The following ERC2 variants were observed in gnomAD, a reference collection of about 807,000 sequenced individuals.
ERC2 encodes the protein ELKS/RAB6-interacting/CAST family member 2.
Under a neutral mutation model 114.8 loss-of-function variants are expected in ERC2, and 42 were observed. That is an observed-to-expected ratio of 0.37 (90% CI 0.29 to 0.47). The LOEUF is 0.47. Ranked by LOEUF, ERC2 falls within the 20% of genes least tolerant of loss-of-function variation. ERC2 has a pLI of 0.99. For synonymous variants in ERC2, 454 were observed against 425.5 expected, an observed-to-expected ratio of 1.07 and a Z score of -0.82; for missense variants, 939 against 1,150.7, an observed-to-expected ratio of 0.82 and a Z score of 2.66.
At chr3:55,960,530 G>A (rs936956972) in intron 12 of ERC2, among the ~76,000 whole-genome samples, 3 of 152,100 alleles carry the variant, frequency 2.0e-5, no homozygotes, top group Non-Finnish European at 4.4e-5. Flanking sequence ...ATCTCTGACA[G>A]CACCCCATGC....
intron 17 of ERC2, among the ~76,000 whole-genome samples, chr3:55,593,318 T>C (rs1384768482): frequency 1.3e-5 from 2 of 152,006 alleles, no homozygotes; most frequent in Non-Finnish European, 2.9e-5. Context: ...CCCATGGGGG[T>C]GTGGGAGCAC....
intron 17 of ERC2, among the ~76,000 whole-genome samples, chr3:55,624,538 G>A (rs1175816218): frequency 6.6e-6 from 1 of 152,192 alleles, no homozygotes; most frequent in Non-Finnish European, 1.5e-5. Flanking sequence ...CCTGTGGGAA[G>A]AACAGGCTGG....
intron 13 of ERC2, among the ~76,000 whole-genome samples, chr3:55,927,186 T>C (rs1158795330): frequency 2.6e-5 from 4 of 152,198 alleles, no homozygotes; most frequent in Non-Finnish European, 5.9e-5. Context: ...GCCTCCTGTT[T>C]CTTCCAAAAG....
chr3:56,235,079 A>G (rs1411766064), intron 3 of ERC2, among the ~76,000 whole-genome samples: 2 of 152,172 alleles, frequency 1.3e-5, no homozygotes, highest in Non-Finnish European at 2.9e-5. Context: ...TTTATGGTAG[A>G]ACAACTGCTT....
At chr3:55,570,522 C>T (rs1339934681) in intron 17 of ERC2, among the ~76,000 whole-genome samples, 1 of 152,088 alleles carries the variant, frequency 6.6e-6, no homozygotes, top group Admixed American at 6.6e-5. Context: ...CCAGGGGGAG[C>T]TGCAGCCGGA....
At chr3:55,527,177 T>A (rs1272029174) in intron 17 of ERC2, among the ~76,000 whole-genome samples, 2 of 152,358 alleles carry the variant, frequency 1.3e-5, no homozygotes, top group South Asian at 2.1e-4. Context: ...GCTTAGCCCA[T>A]GATTAGCTAT....
At chr3:55,973,493 T>C (rs1208596571) in intron 12 of ERC2, among the ~76,000 whole-genome samples, 2 of 152,336 alleles carry the variant, frequency 1.3e-5, no homozygotes, top group Non-Finnish European at 2.9e-5. Context: ...AGAATAAGTT[T>C]TTTAAAATTG....
chr3:55,826,949 G>C (rs1023520602), intron 14 of ERC2, among the ~76,000 whole-genome samples: 1 of 152,220 alleles, frequency 6.6e-6, no homozygotes, highest in Non-Finnish European at 1.5e-5. Flanking sequence ...GCTGAAGTGA[G>C]AGGCCACCAA....
chr3:56,457,750 C>T (rs369670703), intron 1 of ERC2, among the ~76,000 whole-genome samples: 15 of 152,272 alleles, frequency 9.9e-5, no homozygotes, highest in African/African-American at 2.2e-4. Context: ...CCCATTCTCT[C>T]GCTTACCTTT....
chr3:56,222,362 G>A (rs1414789231), intron 3 of ERC2, among the ~76,000 whole-genome samples: 1 of 152,126 alleles, frequency 6.6e-6, no homozygotes, highest in Non-Finnish European at 1.5e-5. Flanking sequence ...AACAATTTCT[G>A]TTTTTCCCTG....
At chr3:55,572,558 A>G (rs2056772101) in intron 17 of ERC2, among the ~76,000 whole-genome samples, 1 of 152,232 alleles carries the variant, frequency 6.6e-6, no homozygotes, top group African/African-American at 2.4e-5. Flanking sequence ...ATTTTACACA[A>G]GCTCCTACAT....
chr3:55,524,848 C>G (rs2053206568), intron 17 of ERC2, among the ~76,000 whole-genome samples: 1 of 152,168 alleles, frequency 6.6e-6, no homozygotes, highest in Non-Finnish European at 1.5e-5. Context: ...TTCAATCATG[C>G]ACAAAAGCTA....
chr3:56,094,709 GAA>G, intron 6 of ERC2, among the ~76,000 whole-genome samples: 1 of 152,090 alleles, frequency 6.6e-6, no homozygotes, highest in Non-Finnish European at 1.5e-5. Flanking sequence ...GATGCAGGAA[GAA>G]AAAGACAGAT....
chr3:55,881,596 G>A (rs190643289), intron 14 of ERC2, among the ~76,000 whole-genome samples: 15 of 152,176 alleles, frequency 9.9e-5, no homozygotes, highest in Admixed American at 5.9e-4. Flanking sequence ...AGTTTAAATC[G>A]TCAAAGCAAA....
At chr3:55,850,617 C>A (rs2061529057) in intron 14 of ERC2, among the ~76,000 whole-genome samples, 1 of 152,050 alleles carries the variant, frequency 6.6e-6, no homozygotes, top group Non-Finnish European at 1.5e-5. Context: ...CAAGACCACT[C>A]CTAGAGAGTC....
chr3:55,916,562 T>C (rs2065106960), intron 13 of ERC2, among the ~76,000 whole-genome samples: 1 of 152,202 alleles, frequency 6.6e-6, no homozygotes, highest in African/African-American at 2.4e-5. Flanking sequence ...CACTCATCCA[T>C]GCCTACTGGT....
intron 17 of ERC2, among the ~76,000 whole-genome samples, chr3:55,531,939 G>A (rs2053691934): frequency 6.6e-6 from 1 of 152,210 alleles, no homozygotes; most frequent in African/African-American, 2.4e-5. Context: ...ATTAATCATG[G>A]CTGTAAAAAG....
intron 3 of ERC2, among the ~76,000 whole-genome samples, chr3:56,200,876 A>C (rs2048367694): frequency 6.6e-6 from 1 of 152,186 alleles, no homozygotes; most frequent in South Asian, 2.1e-4. Context: ...CAAATCAGGA[A>C]TTTCATTCCC....
At chr3:55,969,430 CA>C (rs1559951269) in intron 12 of ERC2, among the ~76,000 whole-genome samples, 16 of 151,200 alleles carry the variant, frequency 1.1e-4, no homozygotes, top group African/African-American at 3.7e-4. Flanking sequence ...CACACACACA[CA>C]CACACCCTTC....
Sources: gnomAD v4.1 joint callset for allele counts (sites outside exome capture counted in the v4.1 genomes callset) on GRCh38, gnomAD v4.1.1 for gene constraint, MANE v1.5 for transcripts, NCBI Gene and HGNC (gene_info 2026-07-23, HGNC 2026-07-21) for gene names.